The following MAGI2 variants were observed in gnomAD, a reference collection of about 807,000 sequenced individuals.
The protein encoded by MAGI2 is membrane-associated guanylate kinase, WW and PDZ domain-containing protein 2.
A neutral mutation model predicts 133.3 loss-of-function variants in MAGI2; 35 were observed. The observed-to-expected ratio is 0.26, with a 90% confidence interval of 0.20 to 0.35. The LOEUF is 0.35. Ranked by LOEUF, MAGI2 falls within the 10% of genes least tolerant of loss-of-function variation. MAGI2 has a pLI of 1.00. For missense variants in MAGI2, 1,636 were observed against 1,863.4 expected (o/e 0.88, Z 2.25); for synonymous variants, 729 against 710.6 (o/e 1.03, Z -0.41).
chr7:78,705,706 C>G (rs1178180362), intron 2 of MAGI2, among the ~76,000 whole-genome samples: 2 of 152,044 alleles, frequency 1.3e-5, no homozygotes, highest in Non-Finnish European at 2.9e-5. Context: ...TCTGGGAGAA[C>G]TGTGAAAGAA....
At chr7:79,219,311 C>T (rs1048486475) in intron 1 of MAGI2, among the ~76,000 whole-genome samples, 16 of 151,926 alleles carry the variant, frequency 1.1e-4, no homozygotes, top group Non-Finnish European at 1.9e-4. Context: ...TTTTTCCTTA[C>T]AGGAAACAAA....
At chr7:78,458,294 C>CAAAAAAAA (rs11380893) in intron 6 of MAGI2, among the ~76,000 whole-genome samples, 97 of 113,054 alleles carry the variant, frequency 8.6e-4, no homozygotes, top group South Asian at 6.3e-3. Flanking sequence ...AACTCGGTCT[C>CAAAAAAAA]AAAAAAAAAA....
At chr7:79,355,651 C>G (rs1841974504) in intron 1 of MAGI2, among the ~76,000 whole-genome samples, 1 of 152,152 alleles carries the variant, frequency 6.6e-6, no homozygotes, top group African/African-American at 2.4e-5. Context: ...ACTGCCACGA[C>G]TTTTTGTTTT....
At chr7:78,944,526 A>T (rs1801249606) in intron 2 of MAGI2, among the ~76,000 whole-genome samples, 1 of 152,102 alleles carries the variant, frequency 6.6e-6, no homozygotes, top group African/African-American at 2.4e-5. Context: ...TAAAATACCC[A>T]AGCCTGTTTC....
chr7:79,116,754 C>T (rs569740892), intron 1 of MAGI2, among the ~76,000 whole-genome samples: 15 of 152,158 alleles, frequency 9.9e-5, no homozygotes, highest in Non-Finnish European at 2.1e-4. Flanking sequence ...TCAGTTCCTC[C>T]ACCCAACATC....
At chr7:78,300,816 C>T (rs140636087) in intron 9 of MAGI2, among the ~76,000 whole-genome samples, 663 of 152,244 alleles carry the variant, frequency 4.4e-3, no homozygotes, top group Non-Finnish European at 6.9e-3. Flanking sequence ...TTACTTAAAA[C>T]GTATCTAAAA....
Position 79,229,397 on chromosome 7 carries a change from C to CTACAAGAG in MAGI2, c.302-222192_302-222191insCTCTTGTA, listed in dbSNP as rs1319652661. ...TAAGGAATACAGCCTTTGGGCCTAC[C>CTACAAGAG]ATCTTTCCTCCAACCTACAAGAGAT... On this transcript the variant is annotated intron_variant, in intron 1 of 21. Transcript: ENST00000354212. Among the ~76,000 whole-genome samples the CTACAAGAG allele has an allele frequency of 5.3e-3, 810 of 152,252 alleles. 6 individuals are homozygous for CTACAAGAG. The highest frequency in any genetic ancestry group is 0.019 in the African/African-American group (770 of 41,542).
intron 2 of MAGI2, among the ~76,000 whole-genome samples, chr7:78,825,856 G>C (rs1402975033): frequency 6.6e-6 from 1 of 152,092 alleles, no homozygotes; most frequent in Non-Finnish European, 1.5e-5. Context: ...GTCTCCAACC[G>C]ATTTGAAAAT....
At chr7:79,059,345 A>G (rs1164948683) in intron 1 of MAGI2, among the ~76,000 whole-genome samples, 1 of 152,082 alleles carries the variant, frequency 6.6e-6, no homozygotes, top group Non-Finnish European at 1.5e-5. Flanking sequence ...TGGCATATCA[A>G]AAATGCTCAG....
intron 3 of MAGI2, among the ~76,000 whole-genome samples, chr7:78,574,261 G>A (rs1802038758): frequency 6.6e-6 from 1 of 152,092 alleles, no homozygotes; most frequent in South Asian, 2.1e-4. Flanking sequence ...TTGCTAACTG[G>A]CATTTCTTAC....
At chr7:79,452,992 A>G in intron 1 of MAGI2, 28 bp downstream of exon 1, 4 of 1,522,592 alleles carry the variant, frequency 2.6e-6, no homozygotes, top group Non-Finnish European at 3.5e-6. Context: ...ACCGCCCGGC[A>G]AAACACTGAG....
intron 16 of MAGI2, among the ~76,000 whole-genome samples, chr7:78,152,496 C>T (rs1488600872): frequency 6.6e-6 from 1 of 152,174 alleles, no homozygotes; most frequent in African/African-American, 2.4e-5. Context: ...TCTTGATGTA[C>T]TTTGTATCAT....
chr7:78,161,457 A>G (rs1824968640), intron 15 of MAGI2, among the ~76,000 whole-genome samples: 3 of 152,142 alleles, frequency 2.0e-5, no homozygotes, highest in African/African-American at 4.8e-5. Context: ...AATAAGATGG[A>G]AAATAATCAC....
rs532448785 is a variant in MAGI2 at position 78,935,228 on chromosome 7, G to A, written c.418+71862C>T. Among the ~76,000 whole-genome samples, 304 of 152,222 alleles carry A rather than the reference G, an allele frequency of 2.0e-3. 1 individual carries two copies. The highest frequency in any genetic ancestry group is 5.8e-3 in the Admixed American group (88 of 15,288). ...TTTTCATCATCACTGTTAGGAATCC[G>A]TATTATAATAAATAGTCTTTTTTTA... On this transcript the variant is annotated intron_variant, in intron 2 of 21. Coordinates refer to ENST00000354212, the MANE Select transcript of MAGI2 (RefSeq NM_012301.4).
intron 1 of MAGI2, among the ~76,000 whole-genome samples, chr7:79,100,556 T>C (rs1817888935): frequency 6.6e-6 from 1 of 151,648 alleles, no homozygotes; most frequent in South Asian, 2.1e-4. Flanking sequence ...ATTTTCTACT[T>C]TTTAAAACCT....
chr7:78,846,704 C>T lies in MAGI2; in HGVS notation c.418+160386G>A, dbSNP rs187825062. 1.4e-3 allele frequency among the ~76,000 whole-genome samples: 217 copies of T among 151,988 alleles called. 1 individual carries two copies. Among genetic ancestry groups the T allele is most frequent in the Non-Finnish European group, 1.3e-3 (91 of 67,910 alleles). On this transcript the variant is annotated intron_variant, in intron 2 of 21. Transcript: ENST00000354212. ...GGAACTGACGATAACTCTGCAAAAA[C>T]GAATCAGTTATTTAGATATAATTTA...
intron 9 of MAGI2, among the ~76,000 whole-genome samples, chr7:78,307,700 T>C (rs750719629): frequency 6.6e-6 from 1 of 152,194 alleles, no homozygotes; most frequent in Non-Finnish European, 1.5e-5. Context: ...AATCTAAGCA[T>C]AGAGGAGGAG....
intron 7 of MAGI2, among the ~76,000 whole-genome samples, chr7:78,347,871 A>C (rs1461796721): frequency 6.6e-6 from 1 of 152,194 alleles, no homozygotes; most frequent in African/African-American, 2.4e-5. Flanking sequence ...GTGCATCATG[A>C]CTGTGGTGCA....
At chr7:79,077,712 T>C (rs1815658329) in intron 1 of MAGI2, among the ~76,000 whole-genome samples, 1 of 151,974 alleles carries the variant, frequency 6.6e-6, no homozygotes, top group African/African-American at 2.4e-5. Flanking sequence ...TAATATATTT[T>C]GTAGCCTTGT....
Sources: allele counts gnomAD v4.1 joint callset (sites outside exome capture counted in the v4.1 genomes callset), GRCh38; gene constraint gnomAD v4.1.1; transcripts MANE v1.5; gene names NCBI Gene and HGNC (gene_info 2026-07-23, HGNC 2026-07-21).